CACNB2: variants seen among roughly 807,000 people sequenced by gnomAD.
The protein encoded by CACNB2 is voltage-dependent L-type calcium channel subunit beta-2.
CACNB2 carries 42 observed loss-of-function variants against 73.3 expected under a neutral mutation model. The observed-to-expected ratio is 0.57, with a 90% CI of 0.45 to 0.74. CACNB2 has a LOEUF of 0.74. CACNB2 is among the 30% of genes least tolerant of loss of function. The pLI, the probability that CACNB2 is intolerant of heterozygous loss-of-function variation, is 0.00. For synonymous variants in CACNB2, 348 were observed against 310.3 expected, an observed-to-expected ratio of 1.12 and a Z score of -1.28; for missense variants, 940 against 853.0, an observed-to-expected ratio of 1.10 and a Z score of -1.27.
At chr10:18,475,113 G>C (rs1441426218) in intron 3 of CACNB2, among the ~76,000 whole-genome samples, 1 of 151,022 alleles carries the variant, frequency 6.6e-6, no homozygotes, top group Non-Finnish European at 1.5e-5. Context: ...CCAGAGGAGA[G>C]AGGGATGGGA....
At chr10:18,216,839 G>C (rs116741401) in intron 2 of CACNB2, among the ~76,000 whole-genome samples, 2,199 of 152,250 alleles carry the variant, frequency 0.014, 56 homozygotes, top group African/African-American at 0.05. Flanking sequence ...TAAATACATT[G>C]AGTTATACAT....
intron 3 of CACNB2, among the ~76,000 whole-genome samples, chr10:18,490,470 A>G (rs533753264): frequency 9.9e-5 from 15 of 152,252 alleles, no homozygotes; most frequent in Admixed American, 8.5e-4. Context: ...GAAAAGTCTG[A>G]CATCACCTCT....
chr10:18,230,178 G>C (rs1275474453), intron 2 of CACNB2, among the ~76,000 whole-genome samples: 2 of 152,158 alleles, frequency 1.3e-5, no homozygotes, highest in Non-Finnish European at 2.9e-5. Flanking sequence ...GAGACAGAGA[G>C]AGCATCCCCA....
chr10:18,177,042 C>A (rs549146855), intron 2 of CACNB2, among the ~76,000 whole-genome samples: 1 of 152,188 alleles, frequency 6.6e-6, no homozygotes, highest in Admixed American at 6.5e-5. Context: ...GTTGTTTTCA[C>A]TGTGTAGCCT....
intron 3 of CACNB2, among the ~76,000 whole-genome samples, chr10:18,467,428 G>C (rs962340631): frequency 2.0e-5 from 3 of 152,158 alleles, no homozygotes; most frequent in African/African-American, 7.2e-5. Flanking sequence ...GTGTATGCCA[G>C]CAACTGGGAA....
intron 2 of CACNB2, among the ~76,000 whole-genome samples, chr10:18,296,190 A>G (rs564928854): frequency 6.6e-6 from 1 of 152,038 alleles, no homozygotes. Context: ...ACAGTTTCTA[A>G]AAATATCTGA....
chr10:18,300,042 AC>A (rs2039445805), intron 2 of CACNB2, among the ~76,000 whole-genome samples: 1 of 150,472 alleles, frequency 6.6e-6, no homozygotes, highest in Non-Finnish European at 1.5e-5. Flanking sequence ...TTATTTTGAG[AC>A]GGAGTTTCAC....
chr10:18,374,854 C>A (rs2042729351), intron 2 of CACNB2, among the ~76,000 whole-genome samples: 1 of 152,088 alleles, frequency 6.6e-6, no homozygotes, highest in South Asian at 2.1e-4. Context: ...AGAAACTCAG[C>A]CTTAGAACTG....
intron 2 of CACNB2, among the ~76,000 whole-genome samples, chr10:18,283,109 A>T (rs1271717181): frequency 1.3e-5 from 2 of 152,220 alleles, no homozygotes; most frequent in African/African-American, 4.8e-5. Context: ...TTCAAATCAA[A>T]ACCACAATGA....
intron 3 of CACNB2, among the ~76,000 whole-genome samples, chr10:18,444,917 T>A (rs1408410192): frequency 6.6e-6 from 1 of 152,230 alleles, no homozygotes; most frequent in South Asian, 2.1e-4. Flanking sequence ...TTTTGGACTT[T>A]TGCAGTTGTA....
rs559457224 is a variant in CACNB2, at chr10:18,487,901, C to T, written c.334-10454C>T. Among the ~76,000 whole-genome samples, 5 of 151,466 alleles carry T rather than the reference C, an allele frequency of 3.3e-5. No homozygotes were observed. In the South Asian group the frequency reaches 1.0e-3, roughly 32 times the overall value. ...TCTCATAGTTTATAAAATTCCACAC[C>T]AAGGACCCTGCACAGGAAACACTGA... is the stretch of plus-strand genomic sequence containing the variant. On this transcript the variant is annotated intron_variant, in intron 3 of 13. Transcript: ENST00000324631.
intron 9 of CACNB2, chr10:18,520,061 T>C (rs1235726842): frequency 4.5e-6 from 1 of 221,710 alleles, no homozygotes; most frequent in Admixed American, 5.7e-5. Flanking sequence ...AGCTCTATGA[T>C]GTCTTTTACC....
chr10:18,340,988 G>C lies in CACNB2; in HGVS notation c.214-60936G>C, dbSNP rs778210303. On this transcript the variant is annotated intron_variant, in intron 2 of 13. Transcript: ENST00000324631. ...TACATTATTCCTGGGGTAAGCATAC[G>C]GGAGAGAAGCCGGCCAGATGCACGG... 29 of 1,613,758 alleles carry C rather than the reference G, an allele frequency of 1.8e-5. No individual in the cohort carries two copies. Among genetic ancestry groups the C allele is most frequent in the Non-Finnish European group, 2.2e-5 (26 of 1,179,868 alleles).
intron 3 of CACNB2, among the ~76,000 whole-genome samples, chr10:18,495,582 T>TGTGTGTGTGTGTGTGTGTGTGTGTGTGTG (rs879828645): frequency 5.2e-5 from 7 of 135,490 alleles, no homozygotes; most frequent in African/African-American, 1.9e-4. Flanking sequence ...TGTGTGTGTG[T>TGTGTGTGTGTGTGTGTGTGTGTGTGTGTG]GTGTGTGTGT....
intron 1 of CACNB2, 30 bp from the exon 2 acceptor site, chr10:18,150,853 G>GTATTTT (rs756678637): frequency 7.6e-6 from 5 of 655,470 alleles, no homozygotes; most frequent in South Asian, 4.7e-5. Context: ...AATCTTATTT[G>GTATTTT]TCTTTTTTTT....
At chr10:18,220,274 GAA>G (rs1491223973) in intron 2 of CACNB2, among the ~76,000 whole-genome samples, 3,159 of 113,108 alleles carry the variant, frequency 0.028, 312 homozygotes, top group East Asian at 0.12. Flanking sequence ...GAGAGAGAGA[GAA>G]AGAGAGAGAA....
At chr10:18,396,616 A>G (rs1417301697) in intron 2 of CACNB2, among the ~76,000 whole-genome samples, 1 of 151,906 alleles carries the variant, frequency 6.6e-6, no homozygotes, top group Non-Finnish European at 1.5e-5. Flanking sequence ...GATTATATGC[A>G]TGTGCCACCA....
At chr10:18,405,702 A>G (rs879029146) in intron 3 of CACNB2, among the ~76,000 whole-genome samples, 3 of 152,202 alleles carry the variant, frequency 2.0e-5, no homozygotes, top group African/African-American at 7.2e-5. Context: ...TCATGCCTGT[A>G]ATCCCAGCAA....
intron 2 of CACNB2, among the ~76,000 whole-genome samples, chr10:18,231,082 G>A (rs2036207338): frequency 6.6e-6 from 1 of 152,192 alleles, no homozygotes; most frequent in Non-Finnish European, 1.5e-5. Flanking sequence ...GCCCTGGCTA[G>A]GAATGGTCCA....
Sources: gnomAD v4.1 joint callset for allele counts (sites outside exome capture counted in the v4.1 genomes callset) on GRCh38, gnomAD v4.1.1 for gene constraint, MANE v1.5 for transcripts, NCBI Gene and HGNC (gene_info 2026-07-23, HGNC 2026-07-21) for gene names.